Variants in ADAMTS12 observed in about 807,000 individuals in gnomAD.
ADAMTS12 encodes the protein A disintegrin and metalloproteinase with thrombospondin motifs 12.
A neutral mutation model predicts 167.8 loss-of-function variants in ADAMTS12; 118 were observed. The observed-to-expected ratio is 0.70, with a 90% CI of 0.61 to 0.82. ADAMTS12 has a LOEUF of 0.82. Ranked by LOEUF, ADAMTS12 falls within the 40% of genes least tolerant of loss-of-function variation. ADAMTS12 has a pLI of 0.00. For missense variants in ADAMTS12, 1,916 were observed against 1,998.8 expected, an observed-to-expected ratio of 0.96 and a Z score of 0.79; for synonymous variants, 704 against 716.9, an observed-to-expected ratio of 0.98 and a Z score of 0.29.
At position 33,702,004 on chromosome 5, in the gene ADAMTS12, T is replaced by C. The variant is rs1743022118; in HGVS notation, c.635-17949A>G. Among the ~76,000 whole-genome samples the C allele has an allele frequency of 2.0e-5, 3 of 152,206 alleles. No individual in the cohort carries two copies. In the South Asian group the frequency reaches 6.2e-4, roughly 31 times the overall value. On this transcript the variant is annotated intron_variant, in intron 3 of 23. Transcript: ENST00000504830. The stretch of plus-strand genomic sequence containing the variant: ...TCTGACAGTAATCCTTAAGGGACTC[T>C]GGTGGTGCATGCACTGGATCAAGTG...
At chr5:33,666,336 T>G (rs1741464356) in intron 5 of ADAMTS12, among the ~76,000 whole-genome samples, 1 of 152,174 alleles carries the variant, frequency 6.6e-6, no homozygotes, top group Non-Finnish European at 1.5e-5. Context: ...GCAACCTTCA[T>G]TTACTCCAAA....
rs140546413 is a variant in ADAMTS12 at position 33,559,836 on chromosome 5, C to T, written c.4125+1191G>A. 4.8e-3 allele frequency among the ~76,000 whole-genome samples: 726 copies of T among 152,232 alleles called. 3 individuals are homozygous for T. Among genetic ancestry groups the T allele is most frequent in the African/African-American group, 0.017 (695 of 41,548 alleles). On this transcript the variant is annotated intron_variant, in intron 20 of 23. Coordinates refer to ENST00000504830, the MANE Select transcript of ADAMTS12 (RefSeq NM_030955.4). ...CAGAGGTTGCAGTGGGCCAACATCACGCCATTGCATTTCAGCCTGGGTGAC... is the reference window on the plus strand; with the variant it reads ...CAGAGGTTGCAGTGGGCCAACATCATGCCATTGCATTTCAGCCTGGGTGAC...
intron 13 of ADAMTS12, among the ~76,000 whole-genome samples, chr5:33,624,932 C>T (rs1739513516): frequency 6.6e-6 from 1 of 152,146 alleles, no homozygotes; most frequent in African/African-American, 2.4e-5. Context: ...CCTTTTTGAT[C>T]TTTAAAGATC....
intron 2 of ADAMTS12, among the ~76,000 whole-genome samples, chr5:33,872,950 T>C (rs779041292): frequency 1.3e-5 from 2 of 152,322 alleles, no homozygotes; most frequent in Admixed American, 6.5e-5. Context: ...AACTCTTCAA[T>C]TTAATACAGA....
At chr5:33,846,868 T>C (rs1454771185) in intron 2 of ADAMTS12, among the ~76,000 whole-genome samples, 1 of 152,202 alleles carries the variant, frequency 6.6e-6, no homozygotes, top group Non-Finnish European at 1.5e-5. Context: ...ACCAATTAGC[T>C]CATTTGATGA....
At chr5:33,793,247 G>T (rs1237811360) in intron 2 of ADAMTS12, among the ~76,000 whole-genome samples, 2 of 152,122 alleles carry the variant, frequency 1.3e-5, no homozygotes, top group African/African-American at 2.4e-5. Flanking sequence ...TAACTATTTG[G>T]GACCATGGAC....
At chr5:33,781,247 A>ATG (rs377510512) in intron 2 of ADAMTS12, among the ~76,000 whole-genome samples, 21 of 149,894 alleles carry the variant, frequency 1.4e-4, no homozygotes, top group South Asian at 2.1e-4. Flanking sequence ...AGATATGTGC[A>ATG]TGTGTGTGTG....
chr5:33,784,672 C>G (rs561079975), intron 2 of ADAMTS12, among the ~76,000 whole-genome samples: 48 of 151,906 alleles, frequency 3.2e-4, no homozygotes, highest in African/African-American at 1.1e-3. Flanking sequence ...ATGTACAAAA[C>G]ATTACCGAGA....
intron 2 of ADAMTS12, among the ~76,000 whole-genome samples, chr5:33,860,116 T>C (rs1389777290): frequency 6.6e-6 from 1 of 152,044 alleles, no homozygotes; most frequent in Non-Finnish European, 1.5e-5. Flanking sequence ...CTCCAAAGGA[T>C]CACAACTCCT....
rs990410839 is a variant in ADAMTS12, at chr5:33,764,809, T to A, written c.490-13261A>T. On this transcript the variant is annotated intron_variant, in intron 2 of 23. Coordinates refer to ENST00000504830, the MANE Select transcript of ADAMTS12 (RefSeq NM_030955.4). ...AGTGCTTTCTAAAATTTGATGATTT[T>A]TTTTTTTCTTAAACAAGGCCCAAAT... 3.3e-5 allele frequency among the ~76,000 whole-genome samples: 5 copies of A among 152,222 alleles called. No homozygotes were observed. The East Asian group carries it at 9.7e-4, about 29-fold the overall frequency.
At chr5:33,835,888 C>G (rs528566051) in intron 2 of ADAMTS12, among the ~76,000 whole-genome samples, 56 of 149,374 alleles carry the variant, frequency 3.7e-4, no homozygotes, top group African/African-American at 1.4e-3. Flanking sequence ...AATTCATGAT[C>G]AAACTGAGGA....
At chr5:33,819,727 C>T (rs565719349) in intron 2 of ADAMTS12, among the ~76,000 whole-genome samples, 26 of 152,178 alleles carry the variant, frequency 1.7e-4, no homozygotes, top group African/African-American at 5.3e-4. Flanking sequence ...CTGAGATACC[C>T]AAACACTTCC....
intron 1 of ADAMTS12, chr5:33,888,234 A>G (rs371622579): frequency 1.2e-4 from 18 of 152,230 alleles, no homozygotes; most frequent in African/African-American, 4.3e-4. Context: ...TTTCTAAAAA[A>G]CAAGATTATG....
chr5:33,745,264 T>C (rs1257420237), intron 3 of ADAMTS12, among the ~76,000 whole-genome samples: 1 of 152,162 alleles, frequency 6.6e-6, no homozygotes, highest in East Asian at 1.9e-4. Context: ...AGCCTCCTCC[T>C]GCCTCCACCC....
intron 2 of ADAMTS12, among the ~76,000 whole-genome samples, chr5:33,765,784 C>T (rs1489095884): frequency 6.6e-6 from 1 of 151,894 alleles, no homozygotes; most frequent in African/African-American, 2.4e-5. Context: ...TTTTTTACAA[C>T]CAAAAAAAAA....
At chr5:33,688,907 T>C (rs1742450587) in intron 3 of ADAMTS12, among the ~76,000 whole-genome samples, 1 of 152,200 alleles carries the variant, frequency 6.6e-6, no homozygotes, top group African/African-American at 2.4e-5. Context: ...TAACTGGACA[T>C]TGGCCACTAA....
intron 2 of ADAMTS12, among the ~76,000 whole-genome samples, chr5:33,813,037 C>A (rs953768642): frequency 6.6e-6 from 1 of 152,168 alleles, no homozygotes; most frequent in Non-Finnish European, 1.5e-5. Context: ...ATTCTATTTA[C>A]GTGAATTTCA....
Position 33,736,178 on chromosome 5 carries a change from T to C in ADAMTS12, c.634+15226A>G, listed in dbSNP as rs1296276363. Among the ~76,000 whole-genome samples the C allele has an allele frequency of 2.6e-5, 4 of 151,610 alleles. No homozygotes were observed. The East Asian group carries it at 7.8e-4, about 30-fold the overall frequency. ...CCCGGGTTCAAGCAATTCTCCTGCC[T>C]CAGCCTCCCAAGTAGCTGGGAACAC... On this transcript the variant is annotated intron_variant, in intron 3 of 23. Coordinates refer to ENST00000504830, the MANE Select transcript of ADAMTS12 (RefSeq NM_030955.4).
chr5:33,631,028 T>A, intron 12 of ADAMTS12, 115 bp from the exon 13 acceptor site: 1 of 1,242,826 alleles, frequency 8.0e-7, no homozygotes, highest in Non-Finnish European at 1.1e-6. Context: ...CAATCCCACC[T>A]TTTCACCTCC....
Sources: allele counts gnomAD v4.1 joint callset (sites outside exome capture counted in the v4.1 genomes callset), GRCh38; gene constraint gnomAD v4.1.1; transcripts MANE v1.5; gene names NCBI Gene and HGNC (gene_info 2026-07-23, HGNC 2026-07-21).